Variants in C1orf162 observed in about 807,000 individuals in gnomAD.
C1orf162 encodes transmembrane protein C1orf162.
In C1orf162, 10 loss-of-function variants were observed where a neutral mutation model predicts 11.4. That is an observed-to-expected ratio of 0.88 (90% CI 0.54 to 1.48). The LOEUF is 1.48. C1orf162 is among the 40% of genes most tolerant of loss of function. C1orf162 has a pLI of 0.00. For missense variants in C1orf162, 140 were observed against 149.5 expected, an observed-to-expected ratio of 0.94 and a Z score of 0.33; for synonymous variants, 53 against 55.0, an observed-to-expected ratio of 0.96 and a Z score of 0.16.
rs1166235226 is a variant in C1orf162 at position 111,477,980 on chromosome 1, C to T, written c.253-3C>T. On this transcript the variant is annotated splice_region_variant and splice_polypyrimidine_tract_variant and intron_variant, in intron 5 of 5. Coordinates refer to ENST00000369718, the MANE Select transcript of C1orf162 (RefSeq NM_001300834.2). ...CTCATTCCTCCTTTTTCTCCCTCTGCAGCTTTCATCCATCCCAGGGGAATC... is the reference window on the plus strand; with the variant it reads ...CTCATTCCTCCTTTTTCTCCCTCTGTAGCTTTCATCCATCCCAGGGGAATC... The T allele has an allele frequency of 6.2e-7, 1 of 1,614,172 alleles. No individual in the cohort carries two copies. Among genetic ancestry groups the T allele is most frequent in the South Asian group, 1.1e-5 (1 of 91,084 alleles).
At chr1:111,477,613 C>CG in intron 4 of C1orf162, 113 bp from the exon 5 acceptor site, 1 of 1,588,086 alleles carries the variant, frequency 6.3e-7, no homozygotes, top group Non-Finnish European at 8.6e-7. Flanking sequence ...CCCCACCCAC[C>CG]TGCCAACACC....
intron 1 of C1orf162, among the ~76,000 whole-genome samples, chr1:111,474,409 C>T (rs915675138): frequency 6.6e-6 from 1 of 152,130 alleles, no homozygotes; most frequent in East Asian, 1.9e-4. Context: ...GTTTTCACAG[C>T]GGCTATGGTA....
At position 111,478,217 on chromosome 1, in the gene C1orf162, A is replaced by G. The variant is rs992788659; in HGVS notation, c.*94A>G. ...ACTTTTTTACAAATTTTGGACCACC[A>G]CCTGTGTGAAACTGCAGTCGGAGTT... On this transcript the variant is annotated 3_prime_UTR_variant, in exon 6 of 6. Coordinates refer to ENST00000369718, the MANE Select transcript of C1orf162 (RefSeq NM_001300834.2). 14 of 1,478,902 alleles carry G rather than the reference A, an allele frequency of 9.5e-6. No individual in the cohort carries two copies. The highest frequency in any genetic ancestry group is 1.3e-5 in the Non-Finnish European group (14 of 1,069,236). 91.6% of individuals were successfully genotyped at this position (1,478,902 alleles called of 1,614,324 possible). A position where few individuals can be genotyped will look rare whatever the true frequency, so the allele number is the denominator to read the frequency against.
At chr1:111,475,788 T>G in intron 1 of C1orf162, 2 of 480,360 alleles carry the variant, frequency 4.2e-6, no homozygotes, top group Non-Finnish European at 7.7e-6. Flanking sequence ...GGTGCCCTGA[T>G]AAGATCAAAT....
rs760063987 is a variant in C1orf162 at position 111,476,022 on chromosome 1, T to C, written c.-7T>C. On this transcript the variant is annotated 5_prime_UTR_variant, in exon 2 of 6. The change abolishes an upstream ATG in the 5' untranslated region. Transcript: ENST00000369718. ...GATACCTTGTTTTATTCTCAGGGGA[T>C]GACAGCATGGGAGGCAATGGCTCCA... The C allele has an allele frequency of 6.2e-7, 1 of 1,613,226 alleles. No homozygotes were observed.
chr1:111,475,447 C>G (rs1653958570), intron 1 of C1orf162: 1 of 152,336 alleles, frequency 6.6e-6, no homozygotes. Flanking sequence ...AATACGTGAA[C>G]AGATTAGAAG....
chr1:111,476,909 G>A (rs1353901496), intron 3 of C1orf162, 42 bp downstream of exon 3: 3 of 1,595,998 alleles, frequency 1.9e-6, no homozygotes. Flanking sequence ...TGTACCACGT[G>A]GGATTTGATG....
chr1:111,477,000 GT>G, intron 3 of C1orf162, 133 bp downstream of exon 3: 1 of 989,706 alleles, frequency 1.0e-6, no homozygotes, highest in Non-Finnish European at 1.6e-6. Flanking sequence ...AACAAAGTCA[GT>G]TTGTGATCTC....
intron 2 of C1orf162, 53 bp downstream of exon 2, chr1:111,476,118 A>G (rs1653981933): frequency 1.3e-6 from 2 of 1,556,508 alleles, no homozygotes; most frequent in African/African-American, 1.4e-5. Flanking sequence ...TAAAATAACT[A>G]GAAATTGTGC....
At chr1:111,475,468 G>A (rs1175887164) in intron 1 of C1orf162, 2 of 156,842 alleles carry the variant, frequency 1.3e-5, no homozygotes, top group Non-Finnish European at 2.8e-5. Flanking sequence ...TGTCTAATGA[G>A]GTCTAGAGTA....
At chr1:111,474,511 C>A (rs1242425706) in intron 1 of C1orf162, 1 of 152,134 alleles carries the variant, frequency 6.6e-6, no homozygotes, top group East Asian at 1.9e-4. Context: ...AGTGGCAAAG[C>A]CTAGTGTAAG....
intron 2 of C1orf162, 25 bp downstream of exon 2, chr1:111,476,090 C>T (rs1411651060): frequency 2.5e-6 from 4 of 1,605,996 alleles, no homozygotes; most frequent in East Asian, 4.5e-5. Context: ...GGAATAATTA[C>T]CTGCCTCACG....
chr1:111,477,200 C>G, intron 3 of C1orf162, 134 bp from the exon 4 acceptor site: 2 of 813,392 alleles, frequency 2.5e-6, no homozygotes, highest in Non-Finnish European at 4.0e-6. Flanking sequence ...AAGCTGAAAA[C>G]CACTGGGTGA....
Position 111,478,295 on chromosome 1 carries a change from G to A in C1orf162, c.*172G>A. 1.3e-6 allele frequency: 1 copy of A among 753,486 alleles called. No individual in the cohort carries two copies. Among genetic ancestry groups the A allele is most frequent in the South Asian group, 1.8e-5 (1 of 55,312 alleles). 46.7% of individuals were successfully genotyped at this position (753,486 alleles called of 1,614,324 possible). On this transcript the variant is annotated 3_prime_UTR_variant, in exon 6 of 6. Transcript: ENST00000369718. ...CAGCATCTTTGGAGACCAATGGTCA[G>A]TCTTTTCCTGGCCAGAGGAAAGATT...
At chr1:111,474,750 T>C (rs1653939302) in intron 1 of C1orf162, 1 of 152,220 alleles carries the variant, frequency 6.6e-6, no homozygotes, top group African/African-American at 2.4e-5. Context: ...TGACATTGCA[T>C]GATCTAAAAA....
At position 111,476,786 on chromosome 1, in the gene C1orf162, G is replaced by C. The variant is rs747109721; in HGVS notation, c.38-12G>C. 2 of 1,613,462 alleles carry C rather than the reference G, an allele frequency of 1.2e-6. No individual in the cohort carries two copies. The highest frequency in any genetic ancestry group is 1.7e-6 in the Non-Finnish European group (2 of 1,179,444). The stretch of plus-strand genomic sequence containing the variant: ...TGACAGATACACTAATTCCTTTTGT[G>C]TTTTCTTGTAGAAAGACAAGGCACT... On this transcript the variant is annotated splice_polypyrimidine_tract_variant and intron_variant, in intron 2 of 5. Transcript: ENST00000369718.
chr1:111,476,906 C>T lies in C1orf162; in HGVS notation c.107+39C>T, dbSNP rs112021080. 339 of 1,599,144 alleles carry T rather than the reference C, an allele frequency of 2.1e-4. No homozygotes were observed. In the African/African-American group the frequency reaches 3.7e-3, roughly 18 times the overall value. ...CTCCTATCTGTTTCATCTTGTACCA[C>T]GTGGGATTTGATGTTGTGCTGACAG... On this transcript the variant is annotated intron_variant, in intron 3 of 5. Coordinates refer to ENST00000369718, the MANE Select transcript of C1orf162 (RefSeq NM_001300834.2).
intron 1 of C1orf162, chr1:111,474,704 T>A (rs766302213): frequency 3.9e-5 from 6 of 152,200 alleles, no homozygotes; most frequent in Admixed American, 6.5e-5. Flanking sequence ...TGGCTCAGAT[T>A]CCTCAACACA....
chr1:111,477,798 G>A (rs763336413), intron 5 of C1orf162, 23 bp downstream of exon 5: 1 of 1,613,718 alleles, frequency 6.2e-7, no homozygotes, highest in Non-Finnish European at 8.5e-7. Context: ...CACTGTTTTG[G>A]GGACACTGAA....
Sources: allele counts gnomAD v4.1 joint callset (sites outside exome capture counted in the v4.1 genomes callset), GRCh38; gene constraint gnomAD v4.1.1; transcripts MANE v1.5; gene names NCBI Gene and HGNC (gene_info 2026-07-23, HGNC 2026-07-21).